The following TBC1D8B variants were observed in gnomAD, a reference collection of about 807,000 sequenced individuals.
TBC1D8B encodes RP11-321G1.1.
In TBC1D8B, 75 loss-of-function variants were observed where a neutral mutation model predicts 82.9. The observed-to-expected ratio is 0.90, with a 90% confidence interval of 0.75 to 1.10. The LOEUF (loss-of-function observed/expected upper bound fraction) is 1.10. Among genes scored for constraint, TBC1D8B ranks in the 50% least tolerant of loss-of-function variants. The pLI is 0.00. For synonymous variants in TBC1D8B, 276 were observed against 276.8 expected (o/e 1.00, Z 0.03); for missense variants, 794 against 796.9 (o/e 1.00, Z 0.04).
chrX:106,851,448 G>T (rs1025885049), intron 12 of TBC1D8B, among the ~76,000 whole-genome samples: 1 of 111,617 alleles, frequency 9.0e-6, no homozygotes, highest in African/African-American at 3.3e-5. Context: ...AAGTTTTAGG[G>T]TACATGTGCA....
At chrX:106,820,029 G>T (rs996453773) in intron 2 of TBC1D8B, among the ~76,000 whole-genome samples, 1 of 110,590 alleles carries the variant, frequency 9.0e-6, no homozygotes, top group African/African-American at 3.3e-5. Context: ...TGATTGAATT[G>T]TAGGAAATAG....
chrX:106,819,249 T>A (rs986857874), intron 2 of TBC1D8B, among the ~76,000 whole-genome samples: 3 of 111,194 alleles, frequency 2.7e-5, no homozygotes, highest in Non-Finnish European at 3.8e-5. Context: ...AAGCATCATA[T>A]CCTTGAAATA....
At position 106,854,191 on chromosome X, in the gene TBC1D8B, C is replaced by T; in HGVS notation, c.2254-7C>T. ...GTGAGTAGCCACTGAAATCATATCT[C>T]TTGCAGAAATATGGTAATATTCGCT... On this transcript the variant is annotated splice_region_variant and splice_polypyrimidine_tract_variant and intron_variant, in intron 13 of 20. Coordinates refer to ENST00000357242, the MANE Select transcript of TBC1D8B (RefSeq NM_017752.3). 1 of 1,133,611 alleles carries T rather than the reference C, an allele frequency of 8.8e-7. No homozygotes were observed. The highest frequency in any genetic ancestry group is 1.2e-6 in the Non-Finnish European group (1 of 852,049). 93.4% of individuals were successfully genotyped at this position (1,133,611 alleles called of 1,213,427 possible).
In TBC1D8B at chrX:106,840,780, T is replaced by C; in HGVS notation, c.1615T>C (p.Ser539Pro). Residue 539 changes from serine to proline, a missense_variant, in exon 10 of 21, where the codon TCT (serine) becomes CCT (proline). Physicochemically the swap from Ser to Pro is moderately conservative, Grantham distance 74. Coordinates refer to ENST00000357242, the MANE Select transcript of TBC1D8B (RefSeq NM_017752.3). ...TEEIERDLRR[S>P]LPEHPAFQSD... ...AGAAATTGAACGTGATTTACGTCGC[T>C]CTCTGCCTGAGCACCCAGCCTTTCA... 1 of 1,211,250 alleles carries C rather than the reference T, an allele frequency of 8.3e-7. No homozygotes were observed. Among genetic ancestry groups the C allele is most frequent in the Non-Finnish European group, 1.1e-6 (1 of 895,241 alleles).
At position 106,827,286 on chromosome X, in the gene TBC1D8B, C is replaced by A; in HGVS notation, c.1152C>A (p.Leu384=). 8.3e-7 allele frequency: 1 copy of A among 1,211,218 alleles called. No individual in the cohort carries two copies. Among genetic ancestry groups the A allele is most frequent in the South Asian group, 1.8e-5 (1 of 56,973 alleles). Residue 384 remains leucine, a synonymous_variant, in exon 7 of 21, where the codon CTC becomes CTA. Coordinates refer to ENST00000357242, the MANE Select transcript of TBC1D8B (RefSeq NM_017752.3). ...VKDFEQLVAK[L]RLRCGAASTQ... ...ACTTTGAACAACTGGTAGCAAAACT[C>A]AGGCTCAGATGCGGAGCAGCTTCAA...
Position 106,826,166 on chromosome X carries a change from A to C in TBC1D8B, c.964A>C (p.Ile322Leu). ...CTTCAATACTCATGGGAAAATGTGC[A>C]TCTCAGAAAATTATATCTGCTTTGC... ...SHFNTHGKMC[I>L]SENYICFASQ... The change falls in exon 6 of 21, where the codon ATC (isoleucine) becomes CTC (leucine). Residue 322 changes from isoleucine (I) to leucine (L), a missense_variant. By Grantham distance (5) the Ile-to-Leu change is conservative. Transcript: ENST00000357242. 9 of 1,210,896 alleles carry C rather than the reference A, an allele frequency of 7.4e-6. No individual in the cohort carries two copies. The highest frequency in any genetic ancestry group is 1.0e-5 in the Non-Finnish European group (9 of 894,990).
chrX:106,838,353 A>T (rs1602421998), intron 7 of TBC1D8B, among the ~76,000 whole-genome samples: 1 of 111,293 alleles, frequency 9.0e-6, no homozygotes, highest in East Asian at 2.8e-4. Context: ...TTATTCAGTG[A>T]TGGGTTAGAT....
chrX:106,854,330 G>T, intron 14 of TBC1D8B, 34 bp downstream of exon 14: 1 of 992,667 alleles, frequency 1.0e-6, no homozygotes, highest in Non-Finnish European at 1.4e-6. Flanking sequence ...AAACCAGTTG[G>T]AGTAATTTTT....
At chrX:106,866,085 T>C in intron 16 of TBC1D8B, 52 bp downstream of exon 16, 3 of 1,131,688 alleles carry the variant, frequency 2.7e-6, no homozygotes, top group Non-Finnish European at 3.5e-6. Flanking sequence ...AAATACTTAG[T>C]ACTGCCTATT....
At position 106,813,493 on chromosome X, in the gene TBC1D8B, T is replaced by G. The variant is rs190837071; in HGVS notation, c.131-5170T>G. Among the ~76,000 whole-genome samples the G allele has an allele frequency of 4.3e-3, 480 of 112,071 alleles. 2 individuals carry two copies. Among genetic ancestry groups the G allele is most frequent in the African/African-American group, 0.015 (470 of 30,868 alleles). On this transcript the variant is annotated intron_variant, in intron 1 of 20. Transcript: ENST00000357242. Reference sequence around the variant, plus strand: ...CTTATAATCTTGTGAACATTTCTGCTGCCAAAAAGTGACCTTTCTTGCCAG... The same window carrying G: ...CTTATAATCTTGTGAACATTTCTGCGGCCAAAAAGTGACCTTTCTTGCCAG...
chrX:106,856,286 C>T (rs1265048444), intron 14 of TBC1D8B, among the ~76,000 whole-genome samples: 1 of 110,741 alleles, frequency 9.0e-6, no homozygotes, highest in African/African-American at 3.3e-5. Context: ...TTCCCCTAGT[C>T]TTATTATTTC....
chrX:106,821,095 C>A (rs1602410531), intron 3 of TBC1D8B, 100 bp downstream of exon 3: 2 of 453,948 alleles, frequency 4.4e-6, no homozygotes, highest in East Asian at 8.0e-5. Context: ...TTCACTGGCA[C>A]CTTTCAGGAT....
intron 7 of TBC1D8B, among the ~76,000 whole-genome samples, chrX:106,836,583 C>T (rs1932181480): frequency 9.8e-6 from 1 of 101,977 alleles, no homozygotes; most frequent in Non-Finnish European, 2.0e-5. Context: ...GTCTTTTCTT[C>T]TTTTTTTTTT....
intron 10 of TBC1D8B, among the ~76,000 whole-genome samples, chrX:106,844,297 G>A (rs1177890701): frequency 9.2e-6 from 1 of 109,209 alleles, no homozygotes; most frequent in Non-Finnish European, 1.9e-5. Context: ...ATCTTAAGGG[G>A]AGTAATCAGT....
chrX:106,861,706 C>A (rs2147769654), intron 14 of TBC1D8B, among the ~76,000 whole-genome samples: 1 of 111,615 alleles, frequency 9.0e-6, no homozygotes, highest in South Asian at 3.8e-4. Flanking sequence ...TTAATTAGGG[C>A]AGTCTAGTTA....
At chrX:106,807,673 G>A (rs1193179356) in intron 1 of TBC1D8B, among the ~76,000 whole-genome samples, 1 of 110,946 alleles carries the variant, frequency 9.0e-6, no homozygotes, top group Non-Finnish European at 1.9e-5. Context: ...TGATTTCAGA[G>A]AACGAAATGT....
chrX:106,827,781 A>G (rs1931893469), intron 7 of TBC1D8B: 1 of 113,153 alleles, frequency 8.8e-6, no homozygotes, highest in African/African-American at 3.3e-5. Flanking sequence ...TCTGGCCAAA[A>G]GCAAAATAGT....
At chrX:106,825,823 G>T (rs1931823835) in intron 5 of TBC1D8B, among the ~76,000 whole-genome samples, 1 of 111,556 alleles carries the variant, frequency 9.0e-6, no homozygotes, top group Non-Finnish European at 1.9e-5. Flanking sequence ...CTAATAAAAT[G>T]AAATTGGAAG....
Position 106,819,838 on chromosome X carries a change from A to G in TBC1D8B, c.242-1039A>G, listed in dbSNP as rs184117916. 7.0e-4 allele frequency among the ~76,000 whole-genome samples: 78 copies of G among 111,072 alleles called. 1 individual carries two copies. Among genetic ancestry groups the G allele is most frequent in the African/African-American group, 2.2e-3 (67 of 30,807 alleles). The stretch of plus-strand genomic sequence containing the variant: ...TTTCTACTTAAATAAAGATGATTGT[A>G]TAACTTATTTCCCCCAAATTAACCT... On this transcript the variant is annotated intron_variant, in intron 2 of 20. Transcript: ENST00000357242.
Sources: allele counts gnomAD v4.1 joint callset (sites outside exome capture counted in the v4.1 genomes callset), GRCh38; gene constraint gnomAD v4.1.1; transcripts MANE v1.5; gene names NCBI Gene and HGNC (gene_info 2026-07-23, HGNC 2026-07-21).